MGST1: variants seen among roughly 807,000 people sequenced by gnomAD.
MGST1 encodes the protein glutathione S-transferase 12.
MGST1 carries 5 observed loss-of-function variants against 8.9 expected under a neutral mutation model. That is an observed-to-expected ratio of 0.56 (90% CI 0.29 to 1.19). The LOEUF (loss-of-function observed/expected upper bound fraction) is 1.19, where lower values mean the gene tolerates loss of function less well. MGST1 is among the 50% of genes most tolerant of loss of function. The pLI is 0.08. For missense variants in MGST1, 182 were observed against 187.4 expected, an observed-to-expected ratio of 0.97 and a Z score of 0.17; for synonymous variants, 54 against 67.8, an observed-to-expected ratio of 0.80 and a Z score of 1.00.
At chr12:16,573,174 A>G (rs1196051462) in intron 4 of MGST1, among the ~76,000 whole-genome samples, 1 of 152,120 alleles carries the variant, frequency 6.6e-6, no homozygotes. Context: ...ATGTCTATTC[A>G]TAAGTGCCCC....
intron 4 of MGST1, chr12:16,551,121 C>G: frequency 1.3e-6 from 1 of 770,776 alleles, no homozygotes; most frequent in Non-Finnish European, 2.3e-6. Flanking sequence ...CCTATATCTA[C>G]GCTATTCAGT....
intron 4 of MGST1, among the ~76,000 whole-genome samples, chr12:16,543,834 G>A (rs1212387973): frequency 6.6e-6 from 1 of 152,048 alleles, no homozygotes; most frequent in Non-Finnish European, 1.5e-5. Context: ...TGTGTTTTGA[G>A]TTAAACAGTA....
chr12:16,357,475 C>T (rs1477966816), intron 2 of MGST1, 130 bp from the exon 3 acceptor site: 3 of 698,904 alleles, frequency 4.3e-6, no homozygotes, highest in Non-Finnish European at 7.1e-6. Flanking sequence ...CCCTATGTTG[C>T]CCAGGCTGAT....
At chr12:16,353,052 G>T (rs932376684) in intron 1 of MGST1, among the ~76,000 whole-genome samples, 1 of 151,300 alleles carries the variant, frequency 6.6e-6, no homozygotes, top group Non-Finnish European at 1.5e-5. Flanking sequence ...TTTGGAGGGG[G>T]AGACAGAGTC....
intron 1 of MGST1, among the ~76,000 whole-genome samples, chr12:16,433,411 G>A (rs1940956468): frequency 6.6e-6 from 1 of 152,058 alleles, no homozygotes; most frequent in Non-Finnish European, 1.5e-5. Context: ...AACCATCACA[G>A]TGTGGTTTCG....
At chr12:16,364,551 C>A, downstream of MGST1, 1 of 275,598 alleles carries the variant, frequency 3.6e-6, no homozygotes, top group Non-Finnish European at 5.5e-6. This position sits in a 1 kb window ranked among gnomAD's most constrained non-coding sequence, Gnocchi z 5.7. Context: ...TGCTTTCCTT[C>A]TCTCTCTGTT....
chr12:16,483,086 A>G (rs755209897), intron 4 of MGST1, among the ~76,000 whole-genome samples: 1 of 152,256 alleles, frequency 6.6e-6, no homozygotes, highest in African/African-American at 2.4e-5. Flanking sequence ...AATGCCCTAT[A>G]TGCCCATAGA....
At chr12:16,551,257 A>T in intron 4 of MGST1, 5 of 1,613,028 alleles carry the variant, frequency 3.1e-6, no homozygotes, top group Non-Finnish European at 4.2e-6. Flanking sequence ...TCTTTCATTA[A>T]ACCTTCCTCG....
At position 16,557,106 on chromosome 12, in the gene MGST1, A is replaced by G. The variant is rs533807215; in HGVS notation, n.483-32422A>G. On this transcript the variant is annotated intron_variant and non_coding_transcript_variant, in intron 4 of 4. Transcript: ENST00000538857. ...TTCAATGGTGAAATAAAATAGATATATGATTTGTAAATAGCATTAACAACC... is the reference window on the plus strand; with the variant it reads ...TTCAATGGTGAAATAAAATAGATATGTGATTTGTAAATAGCATTAACAACC... Among the ~76,000 whole-genome samples the G allele has an allele frequency of 3.9e-5, 6 of 152,292 alleles. No homozygotes were observed. In the South Asian group the frequency reaches 6.2e-4, roughly 16 times the overall value.
intron 1 of MGST1, chr12:16,399,294 G>C (rs998049279): frequency 8.1e-6 from 13 of 1,605,688 alleles, no homozygotes; most frequent in African/African-American, 8.0e-5. Context: ...CTTTTTCTTG[G>C]GGGGTGCAGA....
intron 4 of MGST1, among the ~76,000 whole-genome samples, chr12:16,538,830 G>C (rs752387048): frequency 6.6e-6 from 1 of 151,912 alleles, no homozygotes; most frequent in Admixed American, 6.6e-5. Context: ...GGAGGGTATC[G>C]ATCTCCTGAC....
At chr12:16,590,094 G>C (rs1288330885), downstream of MGST1, among the ~76,000 whole-genome samples, 3 of 152,034 alleles carry the variant, frequency 2.0e-5, no homozygotes, top group African/African-American at 7.2e-5. Context: ...ATGCAAGCTC[G>C]AGAACTTTGA....
intron 3 of MGST1, chr12:16,360,269 CTT>C: frequency 1.5e-5 from 10 of 672,682 alleles, no homozygotes; most frequent in African/African-American, 1.9e-5. Flanking sequence ...TTAAGTTAGA[CTT>C]TTTTTTTTCA....
At chr12:16,422,605 G>C (rs1037032987) in intron 1 of MGST1, among the ~76,000 whole-genome samples, 1 of 152,104 alleles carries the variant, frequency 6.6e-6, no homozygotes, top group African/African-American at 2.4e-5. Context: ...GATTGCTTCT[G>C]TCTGATCCCA....
intron 4 of MGST1, among the ~76,000 whole-genome samples, chr12:16,449,881 T>C (rs903295629): frequency 1.3e-5 from 2 of 151,954 alleles, no homozygotes; most frequent in African/African-American, 4.8e-5. Flanking sequence ...CAGTTTTCTC[T>C]CCACCTCATT....
At chr12:16,360,055 TGCA>T (rs1482822526) in intron 3 of MGST1, among the ~76,000 whole-genome samples, 3 of 152,106 alleles carry the variant, frequency 2.0e-5, no homozygotes, top group African/African-American at 7.2e-5. Context: ...CTGGAGGAGG[TGCA>T]GCGACTGTGT....
intron 4 of MGST1, among the ~76,000 whole-genome samples, chr12:16,575,224 A>G (rs1161662749): frequency 1.3e-5 from 2 of 152,212 alleles, no homozygotes; most frequent in Non-Finnish European, 2.9e-5. Flanking sequence ...AACCCATATG[A>G]ATAAAACCCC....
chr12:16,551,951 ATAG>A (rs1313274551), intron 4 of MGST1, among the ~76,000 whole-genome samples: 1 of 152,016 alleles, frequency 6.6e-6, no homozygotes, highest in East Asian at 1.9e-4. Context: ...CCAACATGAA[ATAG>A]TAGATGTCAT....
At position 16,513,727 on chromosome 12, in the gene MGST1, G is replaced by A. The variant is rs1223913136; in HGVS notation, n.483-75801G>A. 1.1e-5 allele frequency: 6 copies of A among 565,884 alleles called. No individual in the cohort carries two copies. Among genetic ancestry groups the A allele is most frequent in the Admixed American group, 5.8e-5 (3 of 51,904 alleles). 35.1% of individuals were successfully genotyped at this position (565,884 alleles called of 1,614,324 possible). ...GGCATCTGCAGAAGTAGCCTTGGGC[G>A]AGAATAGCGAAGTCTCGAAAAGTGG... On this transcript the variant is annotated intron_variant and non_coding_transcript_variant, in intron 4 of 4. Transcript: ENST00000538857. The surrounding 1 kb of genome is among the most constrained non-coding windows in gnomAD (Gnocchi z 4.2).
Sources: allele counts gnomAD v4.1 joint callset (sites outside exome capture counted in the v4.1 genomes callset), GRCh38; gene constraint gnomAD v4.1.1; non-coding constraint Gnocchi (gnomAD v3.1); transcripts MANE v1.5; gene names NCBI Gene and HGNC (gene_info 2026-07-23, HGNC 2026-07-21).